The following GFOD2 variants were observed in gnomAD, a reference collection of about 807,000 sequenced individuals.
The protein encoded by GFOD2 is glucose-fructose oxidoreductase domain-containing protein 2.
GFOD2 carries 9 observed loss-of-function variants against 24.6 expected under a neutral mutation model. The observed-to-expected ratio is 0.37, with a 90% CI of 0.22 to 0.64. The LOEUF is 0.64. Ranked by LOEUF, GFOD2 falls within the 30% of genes least tolerant of loss-of-function variation. GFOD2 has a pLI of 0.65. For missense variants in GFOD2, 476 were observed against 532.5 expected (o/e 0.89, Z 1.04); for synonymous variants, 211 against 224.8 (o/e 0.94, Z 0.55).
At chr16:67,716,823 G>T (rs1037917030) in intron 1 of GFOD2, among the ~76,000 whole-genome samples, 1 of 152,216 alleles carries the variant, frequency 6.6e-6, no homozygotes, top group East Asian at 1.9e-4. Flanking sequence ...TGCAAGAAAA[G>T]TTGGTAAAAA....
rs1238540736 is a variant in GFOD2, at chr16:67,685,240, T to C, written c.259+217A>G. 8 of 1,427,818 alleles carry C rather than the reference T, an allele frequency of 5.6e-6. No individual in the cohort carries two copies. The East Asian group carries it at 2.0e-4, about 36-fold the overall frequency. The allele number at this position is 1,427,818 out of a possible 1,614,324, so 88.4% of individuals were successfully genotyped here. A position where few individuals can be genotyped will look rare whatever the true frequency, so the allele number is the denominator to read the frequency against. On this transcript the variant is annotated intron_variant, in intron 2 of 2. Transcript: ENST00000268797. ...ATGGCTGTCTCTTAGAGTATTTCCT[T>C]AATTTCTGTTCAGGGATTTACAGAT...
In GFOD2 at chr16:67,675,303, G is replaced by A. The variant is rs774607823; in HGVS notation, c.1010C>T (p.Ser337Phe). Residue 337 changes from serine (S) to phenylalanine (F), a missense_variant, in exon 3 of 3, where the codon TCC becomes TTC. Physicochemically the swap from Ser to Phe is radical, Grantham distance 155. Transcript: ENST00000268797. ...CTGCATGTACAGCCCATCCTCGAAG[G>A]AGGCGGCCATGGAGACAGGGGTGCG... Reference protein sequence around the residue: ...WDRTPVSMAASFEDGLYMQSV... With the variant: ...WDRTPVSMAAFFEDGLYMQSV... The A allele has an allele frequency of 6.2e-7, 1 of 1,612,946 alleles. No individual in the cohort carries two copies. Among genetic ancestry groups the A allele is most frequent in the East Asian group, 2.2e-5 (1 of 44,866 alleles).
chr16:67,676,280 A>G (rs1329021420), intron 2 of GFOD2: 1 of 535,470 alleles, frequency 1.9e-6, no homozygotes, highest in Admixed American at 3.6e-5. Context: ...GGTGTGTACC[A>G]CCACGCCTGG....
At chr16:67,715,026 C>T (rs2053497560) in intron 1 of GFOD2, among the ~76,000 whole-genome samples, 1 of 151,988 alleles carries the variant, frequency 6.6e-6, no homozygotes, top group African/African-American at 2.4e-5. Context: ...TGGAAATATT[C>T]GATTCTTCCT....
intron 2 of GFOD2, chr16:67,684,682 G>C (rs2053252797): frequency 1.1e-6 from 1 of 907,750 alleles, no homozygotes; most frequent in Non-Finnish European, 1.3e-6. Flanking sequence ...GGCAACAAGA[G>C]GGAAACTCTG....
chr16:67,687,733 G>A (rs1376491114), intron 1 of GFOD2, among the ~76,000 whole-genome samples: 2 of 151,632 alleles, frequency 1.3e-5, no homozygotes, highest in African/African-American at 4.8e-5. Context: ...AATTTGGGGG[G>A]CCAAAGCAGG....
chr16:67,678,476 CAAAAA>C (rs144320358), intron 2 of GFOD2, among the ~76,000 whole-genome samples: 1 of 74,958 alleles, frequency 1.3e-5, no homozygotes, highest in African/African-American at 4.0e-5. Flanking sequence ...AACTCTGTCT[CAAAAA>C]AAAAAAAAAA....
intron 2 of GFOD2, among the ~76,000 whole-genome samples, chr16:67,679,225 CTTTT>C (rs1297973969): frequency 4.8e-5 from 7 of 146,832 alleles, no homozygotes; most frequent in African/African-American, 1.5e-4. Context: ...TAAATAATTT[CTTTT>C]TTTTTTCTTT....
intron 1 of GFOD2, among the ~76,000 whole-genome samples, chr16:67,688,549 G>C (rs2053285231): frequency 6.6e-6 from 1 of 151,974 alleles, no homozygotes; most frequent in East Asian, 1.9e-4. Context: ...AGAATATCAG[G>C]GTTCCCCATC....
chr16:67,680,754 ATTTTT>A (rs2053218911), intron 2 of GFOD2: 6 of 963,264 alleles, frequency 6.2e-6, no homozygotes, highest in Non-Finnish European at 7.4e-6. Context: ...TTATTTATTT[ATTTTT>A]TTAATACATA....
intron 1 of GFOD2, among the ~76,000 whole-genome samples, chr16:67,707,253 G>A (rs1344464538): frequency 6.6e-6 from 1 of 151,220 alleles, no homozygotes. Context: ...AGCTACTCAG[G>A]AGGCTAAGGC....
intron 2 of GFOD2, chr16:67,683,043 C>G (rs1461500894): frequency 3.3e-6 from 1 of 300,736 alleles, no homozygotes; most frequent in Admixed American, 6.5e-5. Context: ...TCACTGCAGC[C>G]TCTATCTCCT....
chr16:67,711,332 T>C (rs2053471883), intron 1 of GFOD2, among the ~76,000 whole-genome samples: 1 of 152,198 alleles, frequency 6.6e-6, no homozygotes, highest in Non-Finnish European at 1.5e-5. Flanking sequence ...CCAACCTCCT[T>C]GAAACACTCT....
At chr16:67,686,778 G>A (rs1296700393) in intron 1 of GFOD2, among the ~76,000 whole-genome samples, 1 of 151,944 alleles carries the variant, frequency 6.6e-6, no homozygotes, top group Non-Finnish European at 1.5e-5. Flanking sequence ...AGAGATTGCA[G>A]TGAGCCAAGA....
At chr16:67,704,349 GC>G (rs2053424208) in intron 1 of GFOD2, among the ~76,000 whole-genome samples, 1 of 152,128 alleles carries the variant, frequency 6.6e-6, no homozygotes, top group African/African-American at 2.4e-5. Flanking sequence ...AACATTACGT[GC>G]CCCGTGCTTT....
intron 1 of GFOD2, among the ~76,000 whole-genome samples, chr16:67,699,318 G>A (rs1334652400): frequency 6.6e-6 from 1 of 151,836 alleles, no homozygotes; most frequent in African/African-American, 2.4e-5. Context: ...ACTCCAGCCT[G>A]GGCAACAGAG....
intron 2 of GFOD2, 155 bp from the exon 3 acceptor site, chr16:67,676,208 G>C: frequency 2.8e-6 from 2 of 706,860 alleles, no homozygotes; most frequent in East Asian, 5.5e-5. Flanking sequence ...ATGCTGCCCA[G>C]GCTAGTCTCA....
chr16:67,694,460 T>C (rs547145701), intron 1 of GFOD2, among the ~76,000 whole-genome samples: 5 of 152,190 alleles, frequency 3.3e-5, no homozygotes, highest in Non-Finnish European at 7.4e-5. Flanking sequence ...ATAAAAAAGT[T>C]TTTTTTAATT....
At chr16:67,680,881 TCTC>T in intron 2 of GFOD2, 2 of 985,472 alleles carry the variant, frequency 2.0e-6, no homozygotes, top group Non-Finnish European at 2.4e-6. Context: ...GACACTTCAA[TCTC>T]CTGCTCTTCT....
Sources: gnomAD v4.1 joint callset for allele counts (sites outside exome capture counted in the v4.1 genomes callset) on GRCh38, gnomAD v4.1.1 for gene constraint, MANE v1.5 for transcripts, NCBI Gene and HGNC (gene_info 2026-07-23, HGNC 2026-07-21) for gene names.